Variants in DLG2 observed in about 807,000 individuals in gnomAD.
DLG2 encodes discs large MAGUK scaffold protein 2, also known as disks large homolog 2.
In DLG2, 45 loss-of-function variants were observed where a neutral mutation model predicts 132.5. That is an observed-to-expected ratio of 0.34 (90% CI 0.27 to 0.44). DLG2 has a LOEUF of 0.44. Among genes scored for constraint, DLG2 ranks in the 20% least tolerant of loss-of-function variants. The pLI, the probability that DLG2 is intolerant of heterozygous loss-of-function variation, is 1.00. For missense variants in DLG2, 1,045 were observed against 1,196.9 expected (o/e 0.87, Z 1.87); for synonymous variants, 424 against 419.6 (o/e 1.01, Z -0.13).
chr11:83,617,996 C>CA (rs1052427948), intron 19 of DLG2, among the ~76,000 whole-genome samples: 2 of 151,380 alleles, frequency 1.3e-5, no homozygotes, highest in African/African-American at 4.8e-5. Flanking sequence ...GACTCTGTCT[C>CA]AAAAAAAAGT....
intron 2 of DLG2, among the ~76,000 whole-genome samples, chr11:85,612,480 C>T (rs1328366722): frequency 6.6e-6 from 1 of 152,274 alleles, no homozygotes; most frequent in Non-Finnish European, 1.5e-5. Context: ...CTCAAATGTG[C>T]GAGCTGTTTG....
chr11:84,578,709 G>A (rs1282892762), intron 6 of DLG2, among the ~76,000 whole-genome samples: 1 of 152,104 alleles, frequency 6.6e-6, no homozygotes, highest in Non-Finnish European at 1.5e-5. Flanking sequence ...TTTGGACCGT[G>A]GACTTTTGGG....
chr11:84,669,405 C>T (rs1410444342), intron 6 of DLG2, among the ~76,000 whole-genome samples: 1 of 152,148 alleles, frequency 6.6e-6, no homozygotes, highest in Non-Finnish European at 1.5e-5. Context: ...GCTGTGCTCT[C>T]CAAATACCAG....
At chr11:84,440,882 GT>G (rs1166120620) in intron 7 of DLG2, among the ~76,000 whole-genome samples, 1 of 151,938 alleles carries the variant, frequency 6.6e-6, no homozygotes, top group Non-Finnish European at 1.5e-5. Context: ...AATGATTTTT[GT>G]TTAAAAATAA....
intron 6 of DLG2, among the ~76,000 whole-genome samples, chr11:84,817,207 C>A (rs1287499874): frequency 6.6e-6 from 1 of 151,986 alleles, no homozygotes; most frequent in Non-Finnish European, 1.5e-5. Flanking sequence ...TGTGCAGGAA[C>A]CATTTCAGTT....
At chr11:83,892,913 A>G (rs757708758) in intron 15 of DLG2, among the ~76,000 whole-genome samples, 1 of 152,198 alleles carries the variant, frequency 6.6e-6, no homozygotes, top group South Asian at 2.1e-4. Context: ...TCAAGCATAT[A>G]TAATCTAACT....
chr11:85,604,775 T>C (rs1565749064), intron 2 of DLG2, among the ~76,000 whole-genome samples: 1 of 152,198 alleles, frequency 6.6e-6, no homozygotes, highest in Non-Finnish European at 1.5e-5. Flanking sequence ...ATTAGAACTG[T>C]AGGTAATCAT....
chr11:83,930,962 C>T (rs1431542619), intron 14 of DLG2, among the ~76,000 whole-genome samples: 1 of 152,114 alleles, frequency 6.6e-6, no homozygotes, highest in Non-Finnish European at 1.5e-5. Context: ...TGGCACTATA[C>T]CAACTCTGGA....
At chr11:85,426,631 T>C (rs956016696) in intron 3 of DLG2, among the ~76,000 whole-genome samples, 1 of 151,996 alleles carries the variant, frequency 6.6e-6, no homozygotes, top group Non-Finnish European at 1.5e-5. Flanking sequence ...ATCTGTACGT[T>C]ACCATCATCA....
intron 6 of DLG2, among the ~76,000 whole-genome samples, chr11:84,646,293 G>A (rs2099674871): frequency 6.6e-6 from 1 of 151,126 alleles, no homozygotes; most frequent in Non-Finnish European, 1.5e-5. Flanking sequence ...ACACCACAGG[G>A]TTTGACCACC....
chr11:84,984,469 C>T (rs966782361), intron 6 of DLG2, among the ~76,000 whole-genome samples: 5 of 151,922 alleles, frequency 3.3e-5, no homozygotes, highest in African/African-American at 1.2e-4. Context: ...ACTACAAGAA[C>T]TGCTAAAAGG....
rs189895936 is a variant in DLG2, at chr11:84,968,614, T to G, written c.357+143047A>C. ...TACTGAAATGTATGTTACTTTCTTA[T>G]GGAAATTAACCAAAAATGATTTTTG... On this transcript the variant is annotated intron_variant, in intron 6 of 27. Coordinates refer to ENST00000376104, the MANE Select transcript of DLG2 (RefSeq NM_001142699.3). Among the ~76,000 whole-genome samples the G allele has an allele frequency of 1.9e-3, 289 of 152,360 alleles. 1 individual carries two copies. The highest frequency in any genetic ancestry group is 2.7e-3 in the Non-Finnish European group (184 of 68,028).
chr11:85,462,351 C>T (rs936828787), intron 3 of DLG2, among the ~76,000 whole-genome samples: 1 of 152,176 alleles, frequency 6.6e-6, no homozygotes, highest in Non-Finnish European at 1.5e-5. Context: ...CACATGCACA[C>T]ATATGTTTAT....
chr11:84,406,720 C>A (rs1217663431), intron 7 of DLG2, among the ~76,000 whole-genome samples: 3 of 152,192 alleles, frequency 2.0e-5, no homozygotes, highest in African/African-American at 7.2e-5. Context: ...TCTTGCTCCT[C>A]CATTCTCTCT....
intron 6 of DLG2, among the ~76,000 whole-genome samples, chr11:84,927,206 C>T (rs765186066): frequency 6.6e-6 from 1 of 152,036 alleles, no homozygotes; most frequent in Non-Finnish European, 1.5e-5. Flanking sequence ...GCAACACCCT[C>T]TTTTAATATG....
At chr11:84,526,880 G>A (rs1212998963) in intron 7 of DLG2, among the ~76,000 whole-genome samples, 1 of 148,050 alleles carries the variant, frequency 6.8e-6, no homozygotes, top group Non-Finnish European at 1.5e-5. Context: ...CCGGGTTCAC[G>A]CCATTCTCCT....
intron 19 of DLG2, among the ~76,000 whole-genome samples, chr11:83,602,273 T>C (rs975007735): frequency 1.4e-4 from 21 of 152,356 alleles, no homozygotes; most frequent in African/African-American, 5.1e-4. Flanking sequence ...AACACTTAAT[T>C]GATTTGACCC....
intron 11 of DLG2, among the ~76,000 whole-genome samples, chr11:84,016,769 AG>A (rs2095212949): frequency 6.6e-6 from 1 of 152,084 alleles, no homozygotes; most frequent in Non-Finnish European, 1.5e-5. Context: ...ATTTTGTTGA[AG>A]AGGAAACAAA....
chr11:85,514,805 A>G (rs909863139), intron 3 of DLG2, among the ~76,000 whole-genome samples: 1 of 151,604 alleles, frequency 6.6e-6, no homozygotes, highest in African/African-American at 2.4e-5. Context: ...GGAAGGAGTC[A>G]CTCCCCCTAC....
Sources: gnomAD v4.1 joint callset for allele counts (sites outside exome capture counted in the v4.1 genomes callset) on GRCh38, gnomAD v4.1.1 for gene constraint, MANE v1.5 for transcripts, NCBI Gene and HGNC (gene_info 2026-07-23, HGNC 2026-07-21) for gene names.